The following DNAAF2 variants were observed in gnomAD, a reference collection of about 807,000 sequenced individuals.
DNAAF2 encodes dynein axonemal assembly factor 2.
In DNAAF2, 58 loss-of-function variants were observed where a neutral mutation model predicts 48.8. The ratio of observed to expected loss-of-function variants is 1.19; its 90% CI spans 0.96 to 1.48. The LOEUF (loss-of-function observed/expected upper bound fraction) is 1.48, where lower values mean the gene tolerates loss of function less well. DNAAF2 is among the 40% of genes most tolerant of loss of function. DNAAF2 has a pLI of 0.00. For missense variants in DNAAF2, 1,241 were observed against 1,116.1 expected (o/e 1.11, Z -1.59); for synonymous variants, 567 against 481.2 (o/e 1.18, Z -2.33).
At position 49,633,967 on chromosome 14, in the gene DNAAF2, C is replaced by T. The variant is rs747641713; in HGVS notation, c.1183G>A (p.Ala395Thr). 17 of 1,525,762 alleles carry T rather than the reference C, an allele frequency of 1.1e-5. No individual in the cohort carries two copies. Among genetic ancestry groups the T allele is most frequent in the Middle Eastern group, 2.2e-4 (1 of 4,614 alleles). 94.5% of individuals were successfully genotyped at this position (1,525,762 alleles called of 1,614,324 possible). Residue 395 changes from alanine to threonine, a missense_variant, in exon 1 of 3, where the codon GCG (alanine) becomes ACG (threonine). Transcript: ENST00000298292. ...CAGGTATCGTGGCCTCCGTCCTCCG[C>T]GCGACTCCTCGCGGGTCCCGCCTCC... is the stretch of plus-strand genomic sequence containing the variant. ...EGEAGPARSR[A>T]EDGGHDTCVA...
chr14:49,634,740 C>T lies in DNAAF2; in HGVS notation c.410G>A (p.Ser137Asn). 1 of 1,603,890 alleles carries T rather than the reference C, an allele frequency of 6.2e-7. No individual in the cohort carries two copies. Among genetic ancestry groups the T allele is most frequent in the Non-Finnish European group, 8.5e-7 (1 of 1,178,796 alleles). Reference protein sequence around the residue: ...PGREYAGRSSSRYMVYDVVFH... With the variant: ...PGREYAGRSSNRYMVYDVVFH... ...GACCACGTCGTAGACCATGTAGCGGCTGCTGCTGCGCCCCGCGTACTCGCG... is the reference window on the plus strand; with the variant it reads ...GACCACGTCGTAGACCATGTAGCGGTTGCTGCTGCGCCCCGCGTACTCGCG... The change falls in exon 1 of 3, where the codon AGC becomes AAC. Residue 137 changes from serine (S) to asparagine (N), a missense_variant. Coordinates refer to ENST00000298292, the MANE Select transcript of DNAAF2 (RefSeq NM_018139.3).
Position 49,633,985 on chromosome 14 carries a change from C to T in DNAAF2, c.1165G>A (p.Gly389Arg). The change falls in exon 1 of 3, where the codon GGA (glycine) becomes AGA (arginine). Residue 389 changes from glycine (G) to arginine (R), a missense_variant. Coordinates refer to ENST00000298292, the MANE Select transcript of DNAAF2 (RefSeq NM_018139.3). ...TCCTCCGCGCGACTCCTCGCGGGTC[C>T]CGCCTCCCCCTCGCGAGCGGAAGCG... ...ACASAREGEA[G>R]PARSRAEDGG... 1 of 1,524,676 alleles carries T rather than the reference C, an allele frequency of 6.6e-7. No homozygotes were observed. The highest frequency in any genetic ancestry group is 8.8e-7 in the Non-Finnish European group (1 of 1,142,546). The allele number at this position is 1,524,676 out of a possible 1,614,324, so 94.4% of individuals were successfully genotyped here.
At chr14:49,629,001 C>T (rs1364644228) in intron 1 of DNAAF2, among the ~76,000 whole-genome samples, 1 of 151,348 alleles carries the variant, frequency 6.6e-6, no homozygotes. Context: ...CTTGCTCTGT[C>T]TCCCAGGCTG....
rs748693944 is a variant in DNAAF2, at chr14:49,633,640, G to A, written c.1510C>T (p.Gln504Ter). 1.3e-5 allele frequency: 21 copies of A among 1,612,812 alleles called. No homozygotes were observed. In the Admixed American group the frequency reaches 2.2e-4, roughly 17 times the overall value. Reference protein sequence around the residue: ...TREESEGTGGQRSACAMGGPG... With the variant: ...TREESEGTGG ...CCACCCATGGCGCAGGCTGAGCGCT[G>A]GCCGCCCGTGCCCTCCGACTCCTCG... Residue 504 changes from glutamine (Q) to a stop codon, truncating the protein, a stop_gained, in exon 1 of 3, where the codon CAG (glutamine) becomes TAG (stop). Transcript: ENST00000298292. LOFTEE classifies it high-confidence loss of function.
At chr14:49,632,760 T>C (rs1883195693) in intron 1 of DNAAF2, among the ~76,000 whole-genome samples, 2 of 152,094 alleles carry the variant, frequency 1.3e-5, no homozygotes, top group African/African-American at 4.8e-5. Flanking sequence ...TAATACTTAA[T>C]TTTTAATATA....
In DNAAF2 at chr14:49,634,506, C is replaced by A; in HGVS notation, c.644G>T (p.Gly215Val). ...GTCCGGGAGAGGACCCTTCGGCTCC[C>A]CGTCAGGCCTTGCGGGGATGACCCC... ...LPGVIPARPD[G>V]EPKGPLPDFP... The change falls in exon 1 of 3, where the codon GGG becomes GTG. Residue 215 changes from glycine to valine, a missense_variant. Transcript: ENST00000298292. 1.3e-6 allele frequency: 2 copies of A among 1,597,864 alleles called. No individual in the cohort carries two copies. Among genetic ancestry groups the A allele is most frequent in the Non-Finnish European group, 8.5e-7 (1 of 1,178,024 alleles).
chr14:49,633,627 C>T lies in DNAAF2; in HGVS notation c.1523G>A (p.Cys508Tyr). The T allele has an allele frequency of 6.2e-7, 1 of 1,613,512 alleles. No homozygotes were observed. Among genetic ancestry groups the T allele is most frequent in the Non-Finnish European group, 8.5e-7 (1 of 1,179,714 alleles). Residue 508 changes from cysteine to tyrosine, a missense_variant, in exon 1 of 3, where the codon TGC (cysteine) becomes TAC (tyrosine). Transcript: ENST00000298292. ...CTTGGTCCCGGGACCACCCATGGCG[C>T]AGGCTGAGCGCTGGCCGCCCGTGCC... ...SEGTGGQRSA[C>Y]AMGGPGTKSG...
At chr14:49,628,197 A>C in intron 1 of DNAAF2, 42 bp from the exon 2 acceptor site, 1 of 1,476,332 alleles carries the variant, frequency 6.8e-7, no homozygotes. Context: ...AATAAGTCCC[A>C]CTTGACAACA....
At chr14:49,630,261 T>TAAATAAATAAATAAA (rs1273735477) in intron 1 of DNAAF2, among the ~76,000 whole-genome samples, 2 of 94,544 alleles carry the variant, frequency 2.1e-5, no homozygotes, top group African/African-American at 6.6e-5. Flanking sequence ...AAATAAATAA[T>TAAATAAATAAATAAA]GAGGTAGATT....
intron 1 of DNAAF2, among the ~76,000 whole-genome samples, chr14:49,629,031 C>A (rs141562502): frequency 3.3e-5 from 5 of 151,690 alleles, no homozygotes; most frequent in Non-Finnish European, 7.4e-5. Context: ...GGCATAATCA[C>A]GGCTCGCTGC....
At chr14:49,632,915 GT>G (rs11299237) in intron 1 of DNAAF2, among the ~76,000 whole-genome samples, 146,102 of 148,842 alleles carry the variant, frequency 0.98, 71,720 homozygotes, top group South Asian at 1. Context: ...ATTTTAAGTT[GT>G]TTTTTTTTTT....
In DNAAF2 at chr14:49,634,042, C is replaced by T. The variant is rs1490539214; in HGVS notation, c.1108G>A (p.Ala370Thr). ...AVAAAAPEES[A>T]DRSGTDGQAC... ...TGGCCGTCAGTTCCGGACCGGTCCGCGGACTCTTCCGGCGCGGCGGCGGCG... is the reference window on the plus strand; with the variant it reads ...TGGCCGTCAGTTCCGGACCGGTCCGTGGACTCTTCCGGCGCGGCGGCGGCG... The change falls in exon 1 of 3, where the codon GCG becomes ACG. Residue 370 changes from alanine (A) to threonine (T), a missense_variant. Transcript: ENST00000298292. 6.6e-7 allele frequency: 1 copy of T among 1,518,832 alleles called. No homozygotes were observed. Among genetic ancestry groups the T allele is most frequent in the South Asian group, 1.2e-5 (1 of 80,260 alleles). 94.1% of individuals were successfully genotyped at this position (1,518,832 alleles called of 1,614,324 possible). A position where few individuals can be genotyped will look rare whatever the true frequency, so the allele number is the denominator to read the frequency against.
Position 49,634,146 on chromosome 14 carries a change from A to C in DNAAF2, c.1004T>G (p.Phe335Cys). The change falls in exon 1 of 3, where the codon TTC (phenylalanine) becomes TGC (cysteine). Residue 335 changes from phenylalanine (F) to cysteine (C), a missense_variant. Phe to Cys is a radical substitution (Grantham distance 205). Coordinates refer to ENST00000298292, the MANE Select transcript of DNAAF2 (RefSeq NM_018139.3). ...CACCAGCTGCCGCCGGGCCTTGTTG[A>C]ATTGTGCCTTGCCGCGGCCATCGTC... is the stretch of plus-strand genomic sequence containing the variant. ...PVDDGRGKAQ[F>C]NKARRQLVVT... is the part of the protein sequence containing the mutation. 6.3e-7 allele frequency: 1 copy of C among 1,585,918 alleles called. No homozygotes were observed. Among genetic ancestry groups the C allele is most frequent in the Non-Finnish European group, 8.6e-7 (1 of 1,167,374 alleles).
Position 49,628,134 on chromosome 14 carries a change from C to A in DNAAF2, c.1885G>T (p.Glu629Ter). 2 of 1,589,488 alleles carry A rather than the reference C, an allele frequency of 1.3e-6. No individual in the cohort carries two copies. The change falls in exon 2 of 3, where the codon GAA becomes TAA. Residue 629 changes from glutamate to a stop codon, truncating the protein, a stop_gained. Transcript: ENST00000298292. LOFTEE classifies it high-confidence loss of function. ...TCTTCAAGAAACTCATTAACATTTT[C>A]TTCATTGACAAATAACCTTTCCTAA... ...SLEERLFVNE[E>*]NVNEFLEEVL...
At position 49,634,509 on chromosome 14, in the gene DNAAF2, TCAGGCCTTGCGGGGATGACCCCGGG is replaced by T; in HGVS notation, c.616_640del (p.Pro206ThrfsTer71). On this transcript the variant is annotated frameshift_variant, in exon 1 of 3. Transcript: ENST00000298292. LOFTEE classifies it high-confidence loss of function. ...CGGGAGAGGACCCTTCGGCTCCCCG[TCAGGCCTTGCGGGGATGACCCCGGG>T]CAGGGGCGTGCGCAGCACCGCAGCC... 1 of 1,598,990 alleles carries T rather than the reference TCAGGCCTTGCGGGGATGACCCCGGG, an allele frequency of 6.3e-7. No individual in the cohort carries two copies. Among genetic ancestry groups the T allele is most frequent in the Non-Finnish European group, 8.5e-7 (1 of 1,178,486 alleles).
intron 2 of DNAAF2, among the ~76,000 whole-genome samples, chr14:49,626,799 C>CT (rs34085502): frequency 0.63 from 39,776 of 63,326 alleles, 14,660 homozygotes; most frequent in Non-Finnish European, 0.73. Flanking sequence ...TGCTGCCAGT[C>CT]TTTTTTTTTT....
intron 2 of DNAAF2, among the ~76,000 whole-genome samples, chr14:49,626,799 C>CTTTTTTTTTTTTT (rs34085502): frequency 3.2e-5 from 2 of 63,408 alleles, no homozygotes; most frequent in African/African-American, 7.0e-5. Flanking sequence ...TGCTGCCAGT[C>CTTTTTTTTTTTTT]TTTTTTTTTT....
chr14:49,634,829 G>GGAGCC lies in DNAAF2; in HGVS notation c.316_320dup (p.Gly108AlafsTer73). On this transcript the variant is annotated frameshift_variant, in exon 1 of 3. Coordinates refer to ENST00000298292, the MANE Select transcript of DNAAF2 (RefSeq NM_018139.3). LOFTEE classifies it high-confidence loss of function. Reference sequence around the variant, plus strand: ...CAGGAGCTGCGCCCCGGTCGCCACCGGAGCCGGGCCGGCTGCTGGGCGCGC... The same window carrying GGAGCC: ...CAGGAGCTGCGCCCCGGTCGCCACCGGAGCCGAGCCGGGCCGGCTGCTGGGCGCGC... 1 of 1,546,198 alleles carries GGAGCC rather than the reference G, an allele frequency of 6.5e-7. No individual in the cohort carries two copies. Among genetic ancestry groups the GGAGCC allele is most frequent in the Non-Finnish European group, 8.7e-7 (1 of 1,146,956 alleles).
rs771265342 is a variant in DNAAF2 at position 49,625,746 on chromosome 14, T to G, written c.2310A>C (p.Leu770Phe). 2 of 1,612,886 alleles carry G rather than the reference T, an allele frequency of 1.2e-6. No individual in the cohort carries two copies. The highest frequency in any genetic ancestry group is 2.2e-5 in the South Asian group (2 of 90,764). The stretch of plus-strand genomic sequence containing the variant: ...TCTCTTCAGTTATTACTGACTCGTT[T>G]AAGTTATCTTTTTCCTCATTTGAAC... ...ATCSNEEKDN[L>F]NESVITEEKE... The change falls in exon 3 of 3, where the codon TTA (leucine) becomes TTC (phenylalanine). Residue 770 changes from leucine (L) to phenylalanine (F), a missense_variant. Leu to Phe is a conservative substitution (Grantham distance 22). Coordinates refer to ENST00000298292, the MANE Select transcript of DNAAF2 (RefSeq NM_018139.3).
Sources: allele counts gnomAD v4.1 joint callset (sites outside exome capture counted in the v4.1 genomes callset), GRCh38; gene constraint gnomAD v4.1.1; transcripts MANE v1.5; gene names NCBI Gene and HGNC (gene_info 2026-07-23, HGNC 2026-07-21).